Variants in SH3RF2 observed in about 807,000 individuals in gnomAD.
The protein encoded by SH3RF2 is E3 ubiquitin-protein ligase SH3RF2.
A neutral mutation model predicts 59.0 loss-of-function variants in SH3RF2; 43 were observed. The observed-to-expected ratio is 0.73, with a 90% CI of 0.57 to 0.94. The LOEUF (loss-of-function observed/expected upper bound fraction) is 0.94. Ranked by LOEUF, SH3RF2 falls within the 40% of genes least tolerant of loss-of-function variation. The probability of loss-of-function intolerance (pLI) is 0.00; values close to 1 mark genes in which losing one functional copy is unlikely to be tolerated. For synonymous variants in SH3RF2, 391 were observed against 391.5 expected (o/e 1.00, Z 0.01); for missense variants, 930 against 940.1 (o/e 0.99, Z 0.14).
chr5:145,947,745 G>T (rs893781770), intron 2 of SH3RF2, among the ~76,000 whole-genome samples: 3 of 152,152 alleles, frequency 2.0e-5, no homozygotes, highest in African/African-American at 7.2e-5. Context: ...TATTTCCCAG[G>T]TCTCACTTGT....
intron 2 of SH3RF2, chr5:145,997,379 T>G: frequency 8.3e-7 from 1 of 1,211,402 alleles, no homozygotes; most frequent in East Asian, 2.3e-5. Flanking sequence ...AGCAGCCTGG[T>G]CATTTATAAA....
intron 3 of SH3RF2, among the ~76,000 whole-genome samples, chr5:146,002,512 G>A (rs1297119446): frequency 6.6e-6 from 1 of 150,424 alleles, no homozygotes; most frequent in Admixed American, 6.7e-5. Context: ...AAGGAAGGAA[G>A]GAAGGAAGGA....
At chr5:145,962,940 C>CCG (rs1758688089) in intron 2 of SH3RF2, among the ~76,000 whole-genome samples, 3 of 145,406 alleles carry the variant, frequency 2.1e-5, no homozygotes, top group Non-Finnish European at 4.5e-5. Flanking sequence ...CTCTGTCGCC[C>CCG]AGGCTGGAGT....
At chr5:146,073,836 G>T (rs1265552835) in intron 9 of SH3RF2, among the ~76,000 whole-genome samples, 4 of 152,120 alleles carry the variant, frequency 2.6e-5, no homozygotes, top group Non-Finnish European at 5.9e-5. Context: ...AAGAAACAAA[G>T]TGATGGGACA....
chr5:146,009,917 T>C (rs1760806018), intron 4 of SH3RF2, among the ~76,000 whole-genome samples: 1 of 152,214 alleles, frequency 6.6e-6, no homozygotes, highest in Non-Finnish European at 1.5e-5. Context: ...CTAGGGTATA[T>C]GTGCACAACG....
intron 2 of SH3RF2, among the ~76,000 whole-genome samples, chr5:145,964,286 T>TCCTG (rs1758769108): frequency 1.5e-5 from 2 of 136,502 alleles, no homozygotes; most frequent in Admixed American, 1.5e-4. Flanking sequence ...CTTCCTTCCT[T>TCCTG]CCTTCCTTCC....
intron 2 of SH3RF2, among the ~76,000 whole-genome samples, chr5:145,988,955 G>A (rs530225915): frequency 7.2e-5 from 11 of 152,276 alleles, no homozygotes; most frequent in Admixed American, 1.3e-4. Flanking sequence ...CACTATGAGC[G>A]AAGGAGGCAC....
Position 145,952,020 on chromosome 5 carries a change from C to T in SH3RF2, c.378+13714C>T, listed in dbSNP as rs151245667. Among the ~76,000 whole-genome samples, 911 of 152,310 alleles carry T rather than the reference C, an allele frequency of 6.0e-3. 4 individuals are homozygous for T. The highest frequency in any genetic ancestry group is 0.014 in the Middle Eastern group (4 of 294). ...ATCAAGAATGGGAATAATTTGTAACCTACCACCTACATTGGTTCTGAGATT... is the reference window on the plus strand; with the variant it reads ...ATCAAGAATGGGAATAATTTGTAACTTACCACCTACATTGGTTCTGAGATT... On this transcript the variant is annotated intron_variant, in intron 2 of 9. Coordinates refer to ENST00000359120, the MANE Select transcript of SH3RF2 (RefSeq NM_152550.4).
intron 2 of SH3RF2, among the ~76,000 whole-genome samples, chr5:145,983,321 G>A (rs756560967): frequency 1.2e-4 from 18 of 150,750 alleles, no homozygotes; most frequent in Non-Finnish European, 2.5e-4. Flanking sequence ...TTTACTGAGT[G>A]AGGGTGAAAG....
At chr5:145,966,094 C>T (rs1758846666) in intron 2 of SH3RF2, among the ~76,000 whole-genome samples, 2 of 152,020 alleles carry the variant, frequency 1.3e-5, no homozygotes, top group South Asian at 2.1e-4. Flanking sequence ...ACGGGGGAGG[C>T]GTGAGGGAGG....
intron 5 of SH3RF2, among the ~76,000 whole-genome samples, chr5:146,046,016 C>A (rs1174405872): frequency 6.6e-6 from 1 of 152,140 alleles, no homozygotes; most frequent in Non-Finnish European, 1.5e-5. Flanking sequence ...GTTTTTTGAT[C>A]CTACAACTTG....
rs532832561 is a variant in SH3RF2 at position 146,062,358 on chromosome 5, G to A, written c.1915-68G>A. 2.2e-5 allele frequency: 34 copies of A among 1,548,872 alleles called. No individual in the cohort carries two copies. In the African/African-American group the frequency reaches 3.7e-4, roughly 17 times the overall value. On this transcript the variant is annotated intron_variant, in intron 9 of 9. Transcript: ENST00000359120. ...ACACATAAATGAGACATTTCAAGTGGGGACAAGCATGGGGAAATAGACATC... is the reference window on the plus strand; with the variant it reads ...ACACATAAATGAGACATTTCAAGTGAGGACAAGCATGGGGAAATAGACATC...
intron 2 of SH3RF2, among the ~76,000 whole-genome samples, chr5:145,965,018 C>T (rs752472726): frequency 6.6e-6 from 1 of 151,964 alleles, no homozygotes; most frequent in Non-Finnish European, 1.5e-5. Flanking sequence ...CACGGTGAAA[C>T]CCCGTCTCTA....
chr5:146,014,585 T>C (rs1761035908), intron 5 of SH3RF2, among the ~76,000 whole-genome samples: 1 of 152,114 alleles, frequency 6.6e-6, no homozygotes, highest in African/African-American at 2.4e-5. Context: ...AAAATGAAAA[T>C]ACAAGTCCTA....
At chr5:146,054,918 G>T (rs1275938988) in intron 7 of SH3RF2, among the ~76,000 whole-genome samples, 1 of 152,202 alleles carries the variant, frequency 6.6e-6, no homozygotes, top group African/African-American at 2.4e-5. Context: ...AATCAACAGG[G>T]TGACAAGGTG....
chr5:146,058,906 G>T (rs1762777649), intron 8 of SH3RF2, among the ~76,000 whole-genome samples: 1 of 151,256 alleles, frequency 6.6e-6, no homozygotes, highest in African/African-American at 2.4e-5. Context: ...AAAACAATGA[G>T]CTCAGGAAGG....
chr5:145,939,691 G>A (rs1014645525), intron 2 of SH3RF2, among the ~76,000 whole-genome samples: 4 of 152,116 alleles, frequency 2.6e-5, no homozygotes, highest in Non-Finnish European at 4.4e-5. Context: ...AGAATCCACA[G>A]GTCTGGAAAT....
intron 2 of SH3RF2, 109 bp downstream of exon 2, chr5:145,938,415 G>A: frequency 7.7e-7 from 1 of 1,299,690 alleles, no homozygotes; most frequent in Non-Finnish European, 1.0e-6. Flanking sequence ...TGCTGCTGTT[G>A]ATTTCCCAGT....
intron 2 of SH3RF2, among the ~76,000 whole-genome samples, chr5:145,991,053 T>C (rs868228563): frequency 1.7e-4 from 26 of 152,306 alleles, no homozygotes; most frequent in African/African-American, 6.0e-4. Context: ...AGCAAGCAAA[T>C]TGCATTCACA....
Sources: gnomAD v4.1 joint callset for allele counts (sites outside exome capture counted in the v4.1 genomes callset) on GRCh38, gnomAD v4.1.1 for gene constraint, MANE v1.5 for transcripts, NCBI Gene and HGNC (gene_info 2026-07-23, HGNC 2026-07-21) for gene names.